The following TTBK2 variants were observed in gnomAD, a reference collection of about 807,000 sequenced individuals.
The protein encoded by TTBK2 is tau-tubulin kinase 2.
A neutral mutation model predicts 110.8 loss-of-function variants in TTBK2; 28 were observed. The observed-to-expected ratio is 0.25, with a 90% CI of 0.19 to 0.35. The LOEUF (loss-of-function observed/expected upper bound fraction) is 0.35. TTBK2 is among the 10% of genes least tolerant of loss of function. The pLI, the probability that TTBK2 is intolerant of heterozygous loss-of-function variation, is 1.00. For synonymous variants in TTBK2, 532 were observed against 527.3 expected, an observed-to-expected ratio of 1.01 and a Z score of -0.12; for missense variants, 1,369 against 1,500.3, an observed-to-expected ratio of 0.91 and a Z score of 1.45.
intron 4 of TTBK2, 112 bp from the exon 5 acceptor site, chr15:42,830,190 ATTT>A: frequency 2.1e-5 from 23 of 1,111,722 alleles, no homozygotes; most frequent in Non-Finnish European, 2.6e-5. Context: ...AATAGCAAGA[ATTT>A]TTTTTTTTTT....
At position 42,752,064 on chromosome 15, in the gene TTBK2, T is replaced by C. The variant is rs1443860040; in HGVS notation, c.3182A>G (p.Asn1061Ser). The C allele has an allele frequency of 6.2e-7, 1 of 1,614,236 alleles. No individual in the cohort carries two copies. The highest frequency in any genetic ancestry group is 8.5e-7 in the Non-Finnish European group (1 of 1,180,046). Reference protein sequence around the residue: ...SKIPRPVSWVNTDQVNSSTSS... With the variant: ...SKIPRPVSWVSTDQVNSSTSS... The stretch of plus-strand genomic sequence containing the variant: ...AGTTGAGCTATTGACCTGATCTGTG[T>C]TGACCCATGAAACTGGCCTTGGAAT... The change falls in exon 14 of 15, where the codon AAC becomes AGC. Residue 1061 changes from asparagine (N) to serine (S), a missense_variant. Asn to Ser is a conservative substitution (Grantham distance 46, BLOSUM62 1). This residue lies in a region of TTBK2 where 1,097 missense variants were observed against 1,114.7 expected (regional missense o/e 0.98). Coordinates refer to ENST00000267890, the MANE Select transcript of TTBK2 (RefSeq NM_173500.4).
intron 1 of TTBK2, among the ~76,000 whole-genome samples, chr15:42,898,354 G>A (rs933771060): frequency 4.6e-5 from 7 of 151,908 alleles, no homozygotes; most frequent in African/African-American, 1.2e-4. Context: ...AGGAGTTCGG[G>A]ACCAACATGG....
chr15:42,804,398 G>A (rs931460590), intron 9 of TTBK2, among the ~76,000 whole-genome samples: 27 of 150,288 alleles, frequency 1.8e-4, no homozygotes, highest in Admixed American at 1.5e-3. Context: ...CTGAGATCAC[G>A]CCATTGCACT....
rs372057748 is a variant in TTBK2 at position 42,751,927 on chromosome 15, T to G, written c.3272+47A>C. Reference sequence around the variant, plus strand: ...TTGGTGGACTACAATAAAGCAGATATAGAAATGGTGTTACACACTTAACAC... The same window carrying G: ...TTGGTGGACTACAATAAAGCAGATAGAGAAATGGTGTTACACACTTAACAC... On this transcript the variant is annotated intron_variant, in intron 14 of 14. Transcript: ENST00000267890. The G allele has an allele frequency of 1.4e-5, 22 of 1,604,940 alleles. No individual in the cohort carries two copies. The African/African-American group carries it at 2.9e-4, about 21-fold the overall frequency.
Position 42,775,660 on chromosome 15 carries a change from A to G in TTBK2, c.1473T>C (p.His491=), listed in dbSNP as rs753609835. ...GKESILPALL[H]KPCVPAVSRT... The stretch of plus-strand genomic sequence containing the variant: ...GGGACACAGCAGGAACGCAAGGCTT[A>G]TGCAGCAGAGCAGGGAGAATAGATT... The change falls in exon 13 of 15, where the codon CAT becomes CAC. Residue 491 remains histidine, a synonymous_variant. Coordinates refer to ENST00000267890, the MANE Select transcript of TTBK2 (RefSeq NM_173500.4). 3.7e-6 allele frequency: 6 copies of G among 1,613,432 alleles called. No individual in the cohort carries two copies. The highest frequency in any genetic ancestry group is 4.2e-6 in the Non-Finnish European group (5 of 1,179,632).
At chr15:42,872,498 G>T in intron 3 of TTBK2, 113 bp downstream of exon 3, 1 of 1,263,294 alleles carries the variant, frequency 7.9e-7, no homozygotes, top group Non-Finnish European at 1.1e-6. Flanking sequence ...ATACCCGGCT[G>T]ACACCAGTAC....
intron 3 of TTBK2, among the ~76,000 whole-genome samples, chr15:42,847,666 G>A (rs1893522566): frequency 6.6e-6 from 1 of 152,176 alleles, no homozygotes; most frequent in Non-Finnish European, 1.5e-5. Flanking sequence ...CCAACACCAA[G>A]ACTGTTCGTT....
At chr15:42,822,206 T>C (rs1300200179) in intron 6 of TTBK2, among the ~76,000 whole-genome samples, 1 of 152,232 alleles carries the variant, frequency 6.6e-6, no homozygotes, top group Non-Finnish European at 1.5e-5. Context: ...CAAATATTTT[T>C]CCCCATCTGT....
chr15:42,873,822 T>TCA (rs1456863828), intron 2 of TTBK2, among the ~76,000 whole-genome samples: 2 of 152,106 alleles, frequency 1.3e-5, no homozygotes, highest in African/African-American at 4.8e-5. Context: ...TGTCTCCTTA[T>TCA]CACATTATCC....
At chr15:42,772,813 G>A (rs1360522637) in intron 13 of TTBK2, among the ~76,000 whole-genome samples, 1 of 152,082 alleles carries the variant, frequency 6.6e-6, no homozygotes, top group Non-Finnish European at 1.5e-5. Context: ...AGGTTTAGGA[G>A]CTCACACCTG....
chr15:42,751,552 C>A (rs1259707485), intron 14 of TTBK2, among the ~76,000 whole-genome samples: 1 of 152,158 alleles, frequency 6.6e-6, no homozygotes, highest in East Asian at 1.9e-4. Flanking sequence ...GCCTGCCCAA[C>A]ATAGCGAAAC....
At chr15:42,793,518 C>T (rs1890791987) in intron 10 of TTBK2, among the ~76,000 whole-genome samples, 1 of 152,058 alleles carries the variant, frequency 6.6e-6, no homozygotes, top group Non-Finnish European at 1.5e-5. Flanking sequence ...AGCCACTGCA[C>T]TCCAGCTTGG....
chr15:42,833,690 T>C (rs1417640510), intron 4 of TTBK2, among the ~76,000 whole-genome samples: 1 of 151,696 alleles, frequency 6.6e-6, no homozygotes, highest in Non-Finnish European at 1.5e-5. Context: ...CTGGGCAACA[T>C]ACTGAGACCT....
intron 6 of TTBK2, among the ~76,000 whole-genome samples, chr15:42,822,222 G>A (rs1892336386): frequency 6.6e-6 from 1 of 151,986 alleles, no homozygotes; most frequent in South Asian, 2.1e-4. Flanking sequence ...TCTGTGACTT[G>A]TCTTTTCATT....
intron 1 of TTBK2, among the ~76,000 whole-genome samples, chr15:42,886,369 A>G (rs1324054319): frequency 6.6e-6 from 1 of 152,128 alleles, no homozygotes; most frequent in Non-Finnish European, 1.5e-5. Flanking sequence ...GCTGGAGCTA[A>G]AGGCATACTC....
intron 3 of TTBK2, among the ~76,000 whole-genome samples, chr15:42,863,679 T>C (rs1015523366): frequency 1.3e-5 from 2 of 152,092 alleles, no homozygotes; most frequent in African/African-American, 2.4e-5. Context: ...CTTAAAACTA[T>C]AGTATAAAGC....
At chr15:42,898,876 A>G (rs917176917) in intron 1 of TTBK2, among the ~76,000 whole-genome samples, 2 of 152,236 alleles carry the variant, frequency 1.3e-5, no homozygotes, top group African/African-American at 4.8e-5. Context: ...GACACAGTGG[A>G]GAAGCCAGAA....
At chr15:42,833,482 T>A (rs1370394263) in intron 4 of TTBK2, among the ~76,000 whole-genome samples, 2 of 152,154 alleles carry the variant, frequency 1.3e-5, no homozygotes. Context: ...CTTGTTTCAT[T>A]ATTATTCACC....
At chr15:42,899,936 G>A (rs1056066107) in intron 1 of TTBK2, among the ~76,000 whole-genome samples, 2 of 151,200 alleles carry the variant, frequency 1.3e-5, no homozygotes, top group African/African-American at 4.9e-5. Flanking sequence ...ACTCTAGCCT[G>A]GGTGACAGAG....
Sources: gnomAD v4.1 joint callset for allele counts (sites outside exome capture counted in the v4.1 genomes callset) on GRCh38, gnomAD v4.1.1 for gene constraint, gnomAD v4.1.1 regional missense constraint, MANE v1.5 for transcripts, NCBI Gene and HGNC (gene_info 2026-07-23, HGNC 2026-07-21) for gene names.